Variants in EVC observed in about 807,000 individuals in gnomAD.
EVC encodes the protein evC complex member EVC.
A neutral mutation model predicts 118.9 loss-of-function variants in EVC; 116 were observed. That is an observed-to-expected ratio of 0.98 (90% CI 0.84 to 1.14). EVC has a LOEUF of 1.14. Ranked by LOEUF, EVC falls within the 50% of genes most tolerant of loss-of-function variation. The pLI, the probability that EVC is intolerant of heterozygous loss-of-function variation, is 0.00. For synonymous variants in EVC, 619 were observed against 534.7 expected (o/e 1.16, Z -2.18); for missense variants, 1,401 against 1,246.4 (o/e 1.12, Z -1.87).
chr4:5,798,462 C>A lies in EVC; in HGVS notation c.2098-124C>A, dbSNP rs1353790421. ...CAAGCCCAGAGGCCACCTCTTTCTGCCCTTTCTCCATCCCTTTTCCAACCC... is the reference window on the plus strand; with the variant it reads ...CAAGCCCAGAGGCCACCTCTTTCTGACCTTTCTCCATCCCTTTTCCAACCC... On this transcript the variant is annotated intron_variant, in intron 14 of 20. Coordinates refer to ENST00000264956, the MANE Select transcript of EVC (RefSeq NM_153717.3). The surrounding 1 kb of genome is among the most constrained non-coding windows in gnomAD (Gnocchi z 4.1). 10 of 963,074 alleles carry A rather than the reference C, an allele frequency of 1.0e-5. No individual in the cohort carries two copies. Among genetic ancestry groups the A allele is most frequent in the Non-Finnish European group, 1.5e-5 (9 of 617,394 alleles). 59.7% of individuals were successfully genotyped at this position (963,074 alleles called of 1,614,324 possible). A position where few individuals can be genotyped will look rare whatever the true frequency, so the allele number is the denominator to read the frequency against.
chr4:5,802,509 A>G lies in EVC; in HGVS notation c.2449+415A>G, dbSNP rs184826557. Among the ~76,000 whole-genome samples, 76 of 152,334 alleles carry G rather than the reference A, an allele frequency of 5.0e-4. No individual in the cohort carries two copies. In the East Asian group the frequency reaches 0.011, roughly 22 times the overall value. ...TATATCTATTGTGCATTTCATTTCTATTATTATTACATTGGAATATACAGT... is the reference window on the plus strand; with the variant it reads ...TATATCTATTGTGCATTTCATTTCTGTTATTATTACATTGGAATATACAGT... On this transcript the variant is annotated intron_variant, in intron 16 of 20. Coordinates refer to ENST00000264956, the MANE Select transcript of EVC (RefSeq NM_153717.3).
Position 5,798,493 on chromosome 4 carries a change from C to G in EVC, c.2098-93C>G. The G allele has an allele frequency of 7.6e-7, 1 of 1,311,788 alleles. No individual in the cohort carries two copies. Among genetic ancestry groups the G allele is most frequent in the Non-Finnish European group, 1.1e-6 (1 of 931,540 alleles). 81.3% of individuals were successfully genotyped at this position (1,311,788 alleles called of 1,614,324 possible). On this transcript the variant is annotated intron_variant, in intron 14 of 20. Coordinates refer to ENST00000264956, the MANE Select transcript of EVC (RefSeq NM_153717.3). This position sits in a 1 kb window ranked among gnomAD's most constrained non-coding sequence, Gnocchi z 4.1. Reference sequence around the variant, plus strand: ...CTCCATCCCTTTTCCAACCCCTGGGCCCTGGATAGGACCAGCCCCACATCC... The same window carrying G: ...CTCCATCCCTTTTCCAACCCCTGGGGCCTGGATAGGACCAGCCCCACATCC...
At chr4:5,821,317 T>G in the EVC span, 1 of 160,252 alleles carries the variant, frequency 6.2e-6, no homozygotes, top group Admixed American at 6.2e-5. The surrounding 1 kb of genome is among the most constrained non-coding windows in gnomAD (Gnocchi z 4.4). Flanking sequence ...CTCGGCATCG[T>G]GTCTCAGTCA....
intron 8 of EVC, among the ~76,000 whole-genome samples, chr4:5,752,090 C>T (rs894535427): frequency 6.6e-6 from 1 of 151,968 alleles, no homozygotes; most frequent in Non-Finnish European, 1.5e-5. Flanking sequence ...GGCCTGTGGC[C>T]TCGGCCCAGC....
At chr4:5,803,069 C>G (rs776482772) in intron 16 of EVC, among the ~76,000 whole-genome samples, 2 of 152,236 alleles carry the variant, frequency 1.3e-5, no homozygotes, top group African/African-American at 4.8e-5. Flanking sequence ...CGCATGGGCT[C>G]TTGTAAAAGG....
chr4:5,722,727 A>G (rs993809385), intron 2 of EVC, among the ~76,000 whole-genome samples: 1 of 152,106 alleles, frequency 6.6e-6, no homozygotes, highest in Admixed American at 6.5e-5. Flanking sequence ...ACCCCTTTAT[A>G]TTGGTGATGG....
At position 5,731,598 on chromosome 4, in the gene EVC, G is replaced by T. The variant is rs540389929; in HGVS notation, c.558G>T (p.Arg186Ser). 2 of 1,614,132 alleles carry T rather than the reference G, an allele frequency of 1.2e-6. No individual in the cohort carries two copies. Among genetic ancestry groups the T allele is most frequent in the East Asian group, 2.2e-5 (1 of 44,864 alleles). Residue 186 changes from arginine (R) to serine (S), a missense_variant, in exon 4 of 21, where the codon AGG (arginine) becomes AGT (serine). Physicochemically the swap from Arg to Ser is moderately radical, Grantham distance 110. Coordinates refer to ENST00000264956, the MANE Select transcript of EVC (RefSeq NM_153717.3). The surrounding 1 kb of genome is among the most constrained non-coding windows in gnomAD (Gnocchi z 5.6). The part of the protein sequence containing the change: ...SSVHSATSDD[R>S]FLSRTFLRVN... The stretch of plus-strand genomic sequence containing the variant: ...TCCACTCGGCCACCAGCGATGACAG[G>T]TTTCTCAGCCGCACCTTCCTCCGGG...
the EVC span, among the ~76,000 whole-genome samples, chr4:5,822,778 T>G: frequency 6.6e-6 from 1 of 152,218 alleles, no homozygotes; most frequent in South Asian, 2.1e-4. Flanking sequence ...CTTCATGGTC[T>G]ACAACACAGC....
At chr4:5,824,498 CTCTT>C in the EVC span, 8 of 974,848 alleles carry the variant, frequency 8.2e-6, no homozygotes, top group African/African-American at 1.2e-4. Flanking sequence ...CTCTCTCTCT[CTCTT>C]TGCCCCTTCC....
chr4:5,730,946 G>C (rs1012964688), intron 3 of EVC, among the ~76,000 whole-genome samples: 1 of 151,756 alleles, frequency 6.6e-6, no homozygotes, highest in African/African-American at 2.4e-5. Context: ...CCAGCTTCTT[G>C]ATTAGGAGCG....
At chr4:5,714,386 C>A (rs777441902) in intron 1 of EVC, among the ~76,000 whole-genome samples, 2 of 152,118 alleles carry the variant, frequency 1.3e-5, no homozygotes, top group Non-Finnish European at 2.9e-5. Flanking sequence ...GAGCAATAGC[C>A]CCACCCATTT....
At chr4:5,779,681 A>G (rs28864108) in intron 11 of EVC, among the ~76,000 whole-genome samples, 7,888 of 107,572 alleles carry the variant, frequency 0.073, 423 homozygotes, top group South Asian at 0.11. Context: ...TGATTTTTGT[A>G]CATTGATTTT....
Position 5,754,090 on chromosome 4 carries a change from C to T in EVC, c.1464+157C>T, listed in dbSNP as rs1320014143. Among the ~76,000 whole-genome samples the T allele has an allele frequency of 6.6e-6, 1 of 152,196 alleles. No individual in the cohort carries two copies. Among genetic ancestry groups the T allele is most frequent in the Admixed American group, 6.5e-5 (1 of 15,290 alleles). ...TGACCGAATCTCAGTCCCTTAGCCC[C>T]TACATCCCTAGGGTCCTAGTGGACT... is the stretch of plus-strand genomic sequence containing the variant. On this transcript the variant is annotated intron_variant, in intron 10 of 20. Coordinates refer to ENST00000264956, the MANE Select transcript of EVC (RefSeq NM_153717.3). The surrounding 1 kb of genome is among the most constrained non-coding windows in gnomAD (Gnocchi z 5.8).
chr4:5,774,083 G>T (rs1734378874), intron 11 of EVC, among the ~76,000 whole-genome samples: 1 of 151,944 alleles, frequency 6.6e-6, no homozygotes, highest in Non-Finnish European at 1.5e-5. Context: ...TCACTTGGCA[G>T]TGTGTATTTG....
chr4:5,729,249 C>G, intron 2 of EVC, 58 bp from the exon 3 acceptor site: 4 of 1,555,786 alleles, frequency 2.6e-6, no homozygotes, highest in Non-Finnish European at 3.5e-6. Context: ...AAAAACTTGA[C>G]AACTTATCCT....
chr4:5,764,640 T>A (rs1480241912), intron 11 of EVC, among the ~76,000 whole-genome samples: 1 of 146,102 alleles, frequency 6.8e-6, no homozygotes, highest in Non-Finnish European at 1.5e-5. Flanking sequence ...GGAGAGTGTA[T>A]GTGTTGAGGA....
At chr4:5,748,357 A>G (rs4688961) in intron 8 of EVC, 51 bp downstream of exon 8, 4 of 1,601,140 alleles carry the variant, frequency 2.5e-6, no homozygotes, top group Admixed American at 3.4e-5. Context: ...GACTAGAGAT[A>G]TGGAATCCTG....
chr4:5,721,722 C>G (rs540045082), intron 2 of EVC, among the ~76,000 whole-genome samples: 149 of 152,284 alleles, frequency 9.8e-4, no homozygotes, highest in Middle Eastern at 6.8e-3. Flanking sequence ...CAAAAATCAG[C>G]TGGGTGTGGT....
Position 5,797,190 on chromosome 4 carries a change from C to T in EVC, c.2055C>T (p.Ser685=), listed in dbSNP as rs1411366434. Residue 685 remains serine (S), a synonymous_variant, in exon 14 of 21, where the codon TCC becomes TCT. Transcript: ENST00000264956. ...AGCGTGCACTGGAGCAGGGGTCCTC[C>T]CAGTGCCTGGACGAGCATCAGTGGC... The part of the protein sequence containing the change: ...REQRALEQGS[S]QCLDEHQWQL... The T allele has an allele frequency of 1.2e-6, 2 of 1,612,972 alleles. No individual in the cohort carries two copies. Among genetic ancestry groups the T allele is most frequent in the Admixed American group, 1.7e-5 (1 of 60,008 alleles).
Sources: gnomAD v4.1 joint callset for allele counts (sites outside exome capture counted in the v4.1 genomes callset) on GRCh38, gnomAD v4.1.1 for gene constraint, Gnocchi (gnomAD v3.1) non-coding constraint, MANE v1.5 for transcripts, NCBI Gene and HGNC (gene_info 2026-07-23, HGNC 2026-07-21) for gene names.